RSRP1: variants seen among roughly 807,000 people sequenced by gnomAD.
RSRP1 encodes arginine/serine-rich protein 1.
Under a neutral mutation model 33.0 loss-of-function variants are expected in RSRP1, and 37 were observed. The observed-to-expected ratio is 1.12, with a 90% CI of 0.86 to 1.48. The LOEUF is 1.48. Ranked by LOEUF, RSRP1 falls within the 40% of genes most tolerant of loss-of-function variation. The probability of loss-of-function intolerance (pLI) is 0.00; values close to 1 mark genes in which losing one functional copy is unlikely to be tolerated. For synonymous variants in RSRP1, 167 were observed against 158.7 expected (o/e 1.05, Z -0.40); for missense variants, 402 against 385.3 (o/e 1.04, Z -0.36).
At chr1:25,260,803 T>TC (rs1640110333) in intron 1 of RSRP1, among the ~76,000 whole-genome samples, 1 of 151,188 alleles carries the variant, frequency 6.6e-6, no homozygotes, top group Non-Finnish European at 1.5e-5. Context: ...ATCTTCCTTT[T>TC]TTTTTTTTTT....
In RSRP1 at chr1:25,330,953, C is replaced by CTTTT. The variant is rs71014353; in HGVS notation, c.-67+7021_-67+7024dup. On this transcript the variant is annotated intron_variant, in intron 1 of 1. Coordinates refer to the RSRP1 transcript ENST00000561867. The stretch of plus-strand genomic sequence containing the variant: ...CTTTTACACTTCTGGTGTCATCTTC[C>CTTTT]TTTTTTTTTTTTTTTTTTTTTTTTT... Among the ~76,000 whole-genome samples, 13 of 34,730 alleles carry CTTTT rather than the reference C, an allele frequency of 3.7e-4. 2 individuals carry two copies. The highest frequency in any genetic ancestry group is 7.5e-4 in the Non-Finnish European group (13 of 17,354). 22.8% of individuals were successfully genotyped at this position (34,730 alleles called of 152,430 possible).
Position 25,262,086 on chromosome 1 carries a change from T to C in RSRP1, c.-66-15057A>G, listed in dbSNP as rs181012068. Among the ~76,000 whole-genome samples, 158 of 152,292 alleles carry C rather than the reference T, an allele frequency of 1.0e-3. 1 individual carries two copies. The highest frequency in any genetic ancestry group is 3.6e-3 in the African/African-American group (150 of 41,556). ...TATAATAGCTATGTCTATTGAGCAC[T>C]CAAGTGTATTCTAGAAACTGTTCCT... On this transcript the variant is annotated intron_variant, in intron 1 of 1. Transcript: ENST00000561867.
chr1:25,284,447 G>C, intron 1 of RSRP1: 2 of 955,734 alleles, frequency 2.1e-6, no homozygotes, highest in Non-Finnish European at 3.3e-6. Context: ...AAAGTAACTT[G>C]ACCAAATACT....
intron 2 of RSRP1, among the ~76,000 whole-genome samples, 158 bp downstream of exon 2, chr1:25,246,286 C>T (rs1185095595): frequency 6.6e-6 from 1 of 152,198 alleles, no homozygotes; most frequent in Non-Finnish European, 1.5e-5. Flanking sequence ...AGAATGCTGT[C>T]CACTTAAATA....
intron 1 of RSRP1, among the ~76,000 whole-genome samples, chr1:25,331,247 T>C (rs1398469269): frequency 2.3e-5 from 3 of 131,216 alleles, no homozygotes; most frequent in African/African-American, 7.8e-5. Flanking sequence ...ATTACAGGCG[T>C]GAGCCACCGC....
chr1:25,243,671 T>C (rs1639094441), intron 3 of RSRP1, 38 bp from the exon 4 acceptor site: 2 of 1,607,024 alleles, frequency 1.2e-6, no homozygotes. Context: ...TTAAAACACA[T>C]ACCCTTGGTT....
intron 1 of RSRP1, among the ~76,000 whole-genome samples, chr1:25,315,222 A>T (rs1389968612): frequency 1.5e-5 from 2 of 130,152 alleles, no homozygotes; most frequent in Non-Finnish European, 3.6e-5. Context: ...ATCACTTATT[A>T]TTAGATCAAT....
intron 1 of RSRP1, among the ~76,000 whole-genome samples, chr1:25,254,594 C>T (rs1043721866): frequency 1.3e-5 from 2 of 152,046 alleles, no homozygotes; most frequent in East Asian, 1.9e-4. Flanking sequence ...TGCCACCATG[C>T]CAAGTAATTT....
At chr1:25,330,554 C>G (rs1377588705) in intron 1 of RSRP1, 1 of 129,172 alleles carries the variant, frequency 7.7e-6, no homozygotes, top group Non-Finnish European at 1.8e-5. Context: ...GAGAACCAAT[C>G]TATCAATTAC....
intron 1 of RSRP1, among the ~76,000 whole-genome samples, chr1:25,305,608 T>TTGC (rs1391924984): frequency 7.9e-6 from 1 of 125,894 alleles, no homozygotes; most frequent in African/African-American, 2.8e-5. Context: ...GTTGTTGTTG[T>TTGC]TGTTGTTGTT....
upstream of RSRP1, among the ~76,000 whole-genome samples, chr1:25,251,089 G>A (rs1378675214): frequency 2.0e-5 from 3 of 151,968 alleles, no homozygotes; most frequent in African/African-American, 7.2e-5. Context: ...GAACTCTAGG[G>A]GCTAATGGTG....
At chr1:25,248,090 G>A (rs1273122738), upstream of RSRP1, 4 of 152,262 alleles carry the variant, frequency 2.6e-5, no homozygotes, top group Admixed American at 2.6e-4. Flanking sequence ...TGGAAATGCA[G>A]TATTAACGTA....
chr1:25,316,185 G>C (rs1370674527), intron 1 of RSRP1, among the ~76,000 whole-genome samples: 1 of 131,056 alleles, frequency 7.6e-6, no homozygotes, highest in Admixed American at 7.4e-5. Flanking sequence ...TGAACCCCTG[G>C]GGTTGCCTTG....
chr1:25,320,983 G>A (rs1644667362), intron 1 of RSRP1, among the ~76,000 whole-genome samples: 1 of 131,514 alleles, frequency 7.6e-6, no homozygotes, highest in South Asian at 2.3e-4. Flanking sequence ...GTTTGAGGCT[G>A]CAATGAGCTG....
At chr1:25,302,862 G>C (rs1643494732) in intron 1 of RSRP1, among the ~76,000 whole-genome samples, 1 of 131,370 alleles carries the variant, frequency 7.6e-6, no homozygotes, top group African/African-American at 2.6e-5. Flanking sequence ...CATTCTTCTA[G>C]GCCAGGTGCA....
At chr1:25,244,392 T>C (rs1421742972) in intron 3 of RSRP1, 1 of 1,289,368 alleles carries the variant, frequency 7.8e-7, no homozygotes, top group Admixed American at 2.3e-5. Context: ...AAACTAAGTT[T>C]TCAGTGTGTG....
intron 1 of RSRP1, among the ~76,000 whole-genome samples, chr1:25,264,414 T>A (rs897241782): frequency 6.6e-6 from 1 of 151,244 alleles, no homozygotes. Flanking sequence ...CAACACCACA[T>A]GGAAGCTGTC....
upstream of RSRP1, chr1:25,248,200 A>T (rs1639631452): frequency 6.6e-6 from 1 of 152,026 alleles, no homozygotes; most frequent in Non-Finnish European, 1.5e-5. Context: ...ATAATAATGA[A>T]GTCTGCGATA....
chr1:25,303,021 A>C (rs1419884529), intron 1 of RSRP1, among the ~76,000 whole-genome samples: 2 of 131,254 alleles, frequency 1.5e-5, no homozygotes, highest in African/African-American at 5.2e-5. Context: ...GCCCAGGGAC[A>C]CACCACTAAT....
Sources: gnomAD v4.1 joint callset for allele counts (sites outside exome capture counted in the v4.1 genomes callset) on GRCh38, gnomAD v4.1.1 for gene constraint, MANE v1.5 for transcripts, NCBI Gene and HGNC (gene_info 2026-07-23, HGNC 2026-07-21) for gene names.